ANKRD62: variants seen among roughly 807,000 people sequenced by gnomAD.
The protein encoded by ANKRD62 is ankyrin repeat domain 62, also known as ankyrin repeat domain-containing protein 62.
ANKRD62 carries 61 observed loss-of-function variants against 98.8 expected under a neutral mutation model. The ratio of observed to expected loss-of-function variants is 0.62; its 90% CI spans 0.50 to 0.76. The LOEUF (loss-of-function observed/expected upper bound fraction) is 0.76, where lower values mean the gene tolerates loss of function less well. ANKRD62 is among the 30% of genes least tolerant of loss of function. The pLI is 0.00. For synonymous variants in ANKRD62, 341 were observed against 367.9 expected (o/e 0.93, Z 0.84); for missense variants, 933 against 1,082.9 (o/e 0.86, Z 1.94).
chr18:12,102,959 C>G (rs1474308504), intron 6 of ANKRD62, among the ~76,000 whole-genome samples, 199 bp from the exon 7 acceptor site: 1 of 152,096 alleles, frequency 6.6e-6, no homozygotes, highest in Non-Finnish European at 1.5e-5. Flanking sequence ...CATCTGGTGT[C>G]TTGCCAAGTA....
chr18:12,094,049 G>C lies in ANKRD62; in HGVS notation c.32G>C (p.Cys11Ser). 6.5e-7 allele frequency: 1 copy of C among 1,535,268 alleles called. No homozygotes were observed. Among genetic ancestry groups the C allele is most frequent in the Non-Finnish European group, 8.7e-7 (1 of 1,146,784 alleles). Residue 11 changes from cysteine (C) to serine (S), a missense_variant, in exon 1 of 14, where the codon TGC becomes TCC. By Grantham distance (112) the Cys-to-Ser change is moderately radical (BLOSUM62 -1). This residue lies in a region of ANKRD62 where 549 missense variants were observed against 587.9 expected (regional missense o/e 0.93). Coordinates refer to ENST00000587848, the MANE Select transcript of ANKRD62 (RefSeq NM_001277333.2). MEVRGSFLAA[C>S]RRRMATWRKN... ...GTCAGGGGGTCGTTCCTGGCGGCCTGCAGGAGACGCATGGCTACCTGGAGG... is the reference window on the plus strand; with the variant it reads ...GTCAGGGGGTCGTTCCTGGCGGCCTCCAGGAGACGCATGGCTACCTGGAGG...
chr18:12,115,444 T>A lies in ANKRD62; in HGVS notation c.1150T>A (p.Ser384Thr). The A allele has an allele frequency of 6.5e-7, 1 of 1,537,200 alleles. No homozygotes were observed. Among genetic ancestry groups the A allele is most frequent in the Non-Finnish European group, 8.7e-7 (1 of 1,146,598 alleles). The change falls in exon 10 of 14, where the codon TCT becomes ACT. Residue 384 changes from serine to threonine, a missense_variant. Physicochemically the swap from Ser to Thr is moderately conservative, Grantham distance 58. Around this residue, in one of 3 missense-constraint regions of ANKRD62, gnomAD observed 549 missense variants for 587.9 expected, o/e 0.93. Coordinates refer to ENST00000587848, the MANE Select transcript of ANKRD62 (RefSeq NM_001277333.2). ...TDDLNDISGS[S>T]EKTSEDDELP... Reference sequence around the variant, plus strand: ...TGACCTTAATGACATAAGTGGGTCATCTGAAAAAACCTCAGAGGATGATGA... The same window carrying A: ...TGACCTTAATGACATAAGTGGGTCAACTGAAAAAACCTCAGAGGATGATGA...
intron 10 of ANKRD62, among the ~76,000 whole-genome samples, chr18:12,118,950 G>T (rs1466269560): frequency 6.6e-6 from 1 of 152,086 alleles, no homozygotes; most frequent in East Asian, 1.9e-4. Context: ...TGGAGAGTTA[G>T]TGTTGAATTG....
intron 6 of ANKRD62, chr18:12,102,636 T>C (rs1382656958): frequency 5.3e-6 from 4 of 759,382 alleles, no homozygotes; most frequent in Non-Finnish European, 5.0e-6. Flanking sequence ...GAGAAGAGTT[T>C]ACACAGCTGT....
chr18:12,110,084 A>G (rs1032821943), intron 8 of ANKRD62, among the ~76,000 whole-genome samples: 4 of 152,198 alleles, frequency 2.6e-5, no homozygotes, highest in Admixed American at 1.3e-4. Context: ...GGCACTCTCA[A>G]TGCATGTCTT....
At chr18:12,180,941 C>A in the ANKRD62 span, among the ~76,000 whole-genome samples, 1 of 120,860 alleles carries the variant, frequency 8.3e-6, no homozygotes, top group Non-Finnish European at 1.7e-5. Flanking sequence ...CTATCCCTCC[C>A]CCCCCACCTC....
chr18:12,106,904 C>T (rs1909425234), intron 7 of ANKRD62, among the ~76,000 whole-genome samples: 1 of 152,090 alleles, frequency 6.6e-6, no homozygotes, highest in African/African-American at 2.4e-5. Flanking sequence ...TAAATCTGGC[C>T]GTTTAGTGTA....
At chr18:12,159,093 G>A in the ANKRD62 span, among the ~76,000 whole-genome samples, 1 of 152,174 alleles carries the variant, frequency 6.6e-6, no homozygotes, top group East Asian at 1.9e-4. Flanking sequence ...ACGACCTATT[G>A]AGTTTAATTT....
chr18:12,100,468 C>T (rs192686952), intron 6 of ANKRD62, among the ~76,000 whole-genome samples: 1 of 152,108 alleles, frequency 6.6e-6, no homozygotes, highest in East Asian at 1.9e-4. Context: ...GATGAGCGGG[C>T]CCTTGCAGTT....
At chr18:12,102,096 C>G (rs1909311761) in intron 6 of ANKRD62, 1 of 1,367,126 alleles carries the variant, frequency 7.3e-7, no homozygotes, top group African/African-American at 1.4e-5. Flanking sequence ...GAAGCTCTGC[C>G]TTGGGAGCTT....
At chr18:12,168,779 C>T in the ANKRD62 span, among the ~76,000 whole-genome samples, 1 of 152,100 alleles carries the variant, frequency 6.6e-6, no homozygotes, top group African/African-American at 2.4e-5. Flanking sequence ...GTGGGAAGTT[C>T]TTCCATTTGT....
intron 7 of ANKRD62, among the ~76,000 whole-genome samples, chr18:12,105,556 A>G (rs1318795023): frequency 1.3e-5 from 2 of 152,166 alleles, no homozygotes; most frequent in African/African-American, 4.8e-5. Flanking sequence ...CTTCTTAGAA[A>G]GAAAAAAGAA....
the ANKRD62 span, among the ~76,000 whole-genome samples, chr18:12,139,797 A>G: frequency 4.6e-5 from 7 of 152,020 alleles, no homozygotes; most frequent in Admixed American, 2.0e-4. Context: ...CTTCATTTCA[A>G]CTTTGGTGAA....
At chr18:12,139,879 T>A in the ANKRD62 span, among the ~76,000 whole-genome samples, 3 of 152,126 alleles carry the variant, frequency 2.0e-5, no homozygotes, top group Non-Finnish European at 4.4e-5. Context: ...ATTTCCTGAA[T>A]TTTAATGTTG....
chr18:12,122,275 T>C (rs780578725), intron 10 of ANKRD62, 28 bp from the exon 11 acceptor site: 2 of 1,494,616 alleles, frequency 1.3e-6, no homozygotes, highest in East Asian at 2.5e-5. Context: ...ATGTATTTTA[T>C]CTCTATTTTG....
chr18:12,134,644 G>A (rs568755994), downstream of ANKRD62, among the ~76,000 whole-genome samples: 8 of 151,852 alleles, frequency 5.3e-5, no homozygotes, highest in South Asian at 4.2e-4. Context: ...TTGTCCTTGC[G>A]ATAGTTTGCT....
chr18:12,158,736 G>A, the ANKRD62 span, among the ~76,000 whole-genome samples: 2 of 145,732 alleles, frequency 1.4e-5, no homozygotes, highest in South Asian at 2.2e-4. Flanking sequence ...GGGTTTCACC[G>A]TGTTAGCCAG....
intron 10 of ANKRD62, among the ~76,000 whole-genome samples, chr18:12,117,607 G>T (rs866167862): frequency 5.9e-5 from 9 of 152,284 alleles, no homozygotes; most frequent in Middle Eastern, 3.4e-3. Context: ...CATCATAGAT[G>T]TTCTTTATCA....
the ANKRD62 span, among the ~76,000 whole-genome samples, chr18:12,170,088 A>G: frequency 6.6e-6 from 1 of 152,210 alleles, no homozygotes; most frequent in African/African-American, 2.4e-5. Context: ...TAGCTCCTGG[A>G]TTCATTGATT....
Sources: gnomAD v4.1 joint callset for allele counts (sites outside exome capture counted in the v4.1 genomes callset) on GRCh38, gnomAD v4.1.1 for gene constraint, gnomAD v4.1.1 regional missense constraint, MANE v1.5 for transcripts, NCBI Gene and HGNC (gene_info 2026-07-23, HGNC 2026-07-21) for gene names.